GALNTL6: variants seen among roughly 807,000 people sequenced by gnomAD.
The protein encoded by GALNTL6 is polypeptide N-acetylgalactosaminyltransferase-like 6.
GALNTL6 carries 46 observed loss-of-function variants against 73.7 expected under a neutral mutation model. The observed-to-expected ratio is 0.62, with a 90% CI of 0.49 to 0.80. The LOEUF (loss-of-function observed/expected upper bound fraction) is 0.80. Among genes scored for constraint, GALNTL6 ranks in the 30% least tolerant of loss-of-function variants. GALNTL6 has a pLI of 0.00. For missense variants in GALNTL6, 604 were observed against 755.0 expected, an observed-to-expected ratio of 0.80 and a Z score of 2.34; for synonymous variants, 259 against 263.7, an observed-to-expected ratio of 0.98 and a Z score of 0.17.
intron 9 of GALNTL6, among the ~76,000 whole-genome samples, chr4:172,944,349 C>T (rs1355132870): frequency 1.3e-5 from 2 of 152,056 alleles, no homozygotes; most frequent in East Asian, 3.9e-4. Flanking sequence ...ACTCAGGTGG[C>T]AAATAAGGAC....
Position 172,298,835 on chromosome 4 carries a change from T to G in GALNTL6, c.248-12779T>G, listed in dbSNP as rs548089324. ...ATATTGGTCTAAAATTCTCTTTTTT[T>G]GTTGTGTCTCTGCCAGGCTTTGGTA... is the stretch of plus-strand genomic sequence containing the variant. On this transcript the variant is annotated intron_variant, in intron 3 of 12. Coordinates refer to ENST00000506823, the MANE Select transcript of GALNTL6 (RefSeq NM_001034845.3). 4.6e-4 allele frequency among the ~76,000 whole-genome samples: 70 copies of G among 152,320 alleles called. 2 individuals carry two copies. The South Asian group carries it at 0.014, about 31-fold the overall frequency.
In GALNTL6 at chr4:172,899,591, T is replaced by G. The variant is rs1000424871; in HGVS notation, c.1041+16684T>G. Among the ~76,000 whole-genome samples the G allele has an allele frequency of 5.3e-5, 8 of 152,286 alleles. 1 individual carries two copies. Among genetic ancestry groups the G allele is most frequent in the Admixed American group, 5.2e-4 (8 of 15,278 alleles). ...AGCATCTACTACCTTTACTTGGTAG[T>G]GTTACCAGAAAGGGGTCCTGATCCA... On this transcript the variant is annotated intron_variant, in intron 8 of 12. Coordinates refer to ENST00000506823, the MANE Select transcript of GALNTL6 (RefSeq NM_001034845.3).
intron 5 of GALNTL6, among the ~76,000 whole-genome samples, chr4:172,649,174 A>T (rs1210819615): frequency 2.0e-5 from 3 of 152,130 alleles, no homozygotes; most frequent in Admixed American, 2.0e-4. Flanking sequence ...TTTATATATT[A>T]CGAGTCACAT....
intron 5 of GALNTL6, among the ~76,000 whole-genome samples, chr4:172,359,119 A>G (rs1017681721): frequency 6.6e-6 from 1 of 152,200 alleles, no homozygotes; most frequent in Non-Finnish European, 1.5e-5. Flanking sequence ...TAGCAAAAAC[A>G]TGGAATCAAC....
At chr4:172,160,905 CACACAT>C (rs1339681211) in intron 2 of GALNTL6, among the ~76,000 whole-genome samples, 4 of 53,866 alleles carry the variant, frequency 7.4e-5, no homozygotes, top group African/African-American at 3.7e-4. Context: ...CACACACACA[CACACAT>C]ACACACACAC....
At chr4:172,577,391 G>A (rs1736995654) in intron 5 of GALNTL6, among the ~76,000 whole-genome samples, 1 of 152,250 alleles carries the variant, frequency 6.6e-6, no homozygotes, top group South Asian at 2.1e-4. Context: ...TGTGTCCAGA[G>A]TACCAACCTG....
intron 2 of GALNTL6, among the ~76,000 whole-genome samples, chr4:171,993,518 A>G (rs1740399863): frequency 6.6e-6 from 1 of 152,178 alleles, no homozygotes; most frequent in African/African-American, 2.4e-5. Flanking sequence ...TAAGAAATAG[A>G]GGAATAACTT....
At chr4:172,242,722 A>G (rs1455439842) in intron 3 of GALNTL6, among the ~76,000 whole-genome samples, 1 of 152,130 alleles carries the variant, frequency 6.6e-6, no homozygotes, top group Non-Finnish European at 1.5e-5. Flanking sequence ...CTAATTCAAG[A>G]AATACTTTTA....
chr4:172,403,799 C>G (rs1467178616), intron 5 of GALNTL6, among the ~76,000 whole-genome samples: 1 of 151,948 alleles, frequency 6.6e-6, no homozygotes, highest in Non-Finnish European at 1.5e-5. Flanking sequence ...TTCTATCAGT[C>G]TATTGTAAGC....
intron 3 of GALNTL6, among the ~76,000 whole-genome samples, chr4:172,293,254 A>C (rs1322701834): frequency 6.6e-6 from 1 of 151,988 alleles, no homozygotes; most frequent in Non-Finnish European, 1.5e-5. Flanking sequence ...ATTTTTCCTC[A>C]TGCCCCCACC....
intron 2 of GALNTL6, among the ~76,000 whole-genome samples, chr4:172,073,666 C>T (rs905385911): frequency 6.6e-6 from 1 of 152,162 alleles, no homozygotes; most frequent in Non-Finnish European, 1.5e-5. Flanking sequence ...TGTTCTGAAG[C>T]AGTGGTAATT....
intron 2 of GALNTL6, among the ~76,000 whole-genome samples, chr4:171,954,652 CAATT>C (rs1738989072): frequency 6.6e-6 from 1 of 152,108 alleles, no homozygotes; most frequent in South Asian, 2.1e-4. Flanking sequence ...ATTAGACAAT[CAATT>C]AAACATTATT....
rs145349162 is a variant in GALNTL6 at position 171,933,983 on chromosome 4, A to C, written c.138+119265A>C. Among the ~76,000 whole-genome samples the C allele has an allele frequency of 2.4e-3, 366 of 152,272 alleles. 1 individual carries two copies. Among genetic ancestry groups the C allele is most frequent in the African/African-American group, 8.4e-3 (351 of 41,552 alleles). Reference sequence around the variant, plus strand: ...TTTCAAATGTTATAAACACCACGGGACTTTTTAAAATTTACATTCCTGGAC... The same window carrying C: ...TTTCAAATGTTATAAACACCACGGGCCTTTTTAAAATTTACATTCCTGGAC... On this transcript the variant is annotated intron_variant, in intron 2 of 12. Coordinates refer to ENST00000506823, the MANE Select transcript of GALNTL6 (RefSeq NM_001034845.3).
chr4:172,885,877 G>T (rs1235628248), intron 8 of GALNTL6, among the ~76,000 whole-genome samples: 1 of 152,208 alleles, frequency 6.6e-6, no homozygotes, highest in Admixed American at 6.5e-5. Flanking sequence ...TGTATACGTT[G>T]AACCATCTTT....
At chr4:171,834,718 A>G (rs1735056655) in intron 2 of GALNTL6, among the ~76,000 whole-genome samples, 1 of 151,968 alleles carries the variant, frequency 6.6e-6, no homozygotes, top group Admixed American at 6.6e-5. Context: ...GTGTCCCTAG[A>G]AAATCATGAA....
chr4:172,487,272 C>CTCTTTCTT (rs1196267964), intron 5 of GALNTL6, among the ~76,000 whole-genome samples: 2 of 127,800 alleles, frequency 1.6e-5, no homozygotes, highest in African/African-American at 3.2e-5. Flanking sequence ...CCTTCCTTTC[C>CTCTTTCTT]TCTTTCTTTC....
At chr4:172,172,623 C>G (rs1417841288) in intron 2 of GALNTL6, among the ~76,000 whole-genome samples, 1 of 152,024 alleles carries the variant, frequency 6.6e-6, no homozygotes, top group Admixed American at 6.6e-5. Context: ...GAAGAAATAA[C>G]CTTTTCAACA....
At chr4:172,696,543 T>C (rs956767415) in intron 5 of GALNTL6, among the ~76,000 whole-genome samples, 4 of 152,176 alleles carry the variant, frequency 2.6e-5, no homozygotes, top group African/African-American at 4.8e-5. Context: ...TGGGAGGTAA[T>C]TGAATCATGG....
chr4:172,884,097 C>A (rs1745595128), intron 8 of GALNTL6, among the ~76,000 whole-genome samples: 1 of 152,162 alleles, frequency 6.6e-6, no homozygotes, highest in Non-Finnish European at 1.5e-5. Context: ...GCAGATATCA[C>A]TTCTACATAC....
Sources: allele counts gnomAD v4.1 joint callset (sites outside exome capture counted in the v4.1 genomes callset), GRCh38; gene constraint gnomAD v4.1.1; transcripts MANE v1.5; gene names NCBI Gene and HGNC (gene_info 2026-07-23, HGNC 2026-07-21).